Variants in MYRFL observed in about 807,000 individuals in gnomAD.
MYRFL encodes the protein myelin regulatory factor-like protein.
Under a neutral mutation model 109.4 loss-of-function variants are expected in MYRFL, and 88 were observed. That is an observed-to-expected ratio of 0.80 (90% CI 0.68 to 0.96). MYRFL has a LOEUF of 0.96. Among genes scored for constraint, MYRFL ranks in the 40% least tolerant of loss-of-function variants. The pLI, the probability that MYRFL is intolerant of heterozygous loss-of-function variation, is 0.00. For synonymous variants in MYRFL, 324 were observed against 320.9 expected (o/e 1.01, Z -0.10); for missense variants, 957 against 954.9 (o/e 1.00, Z -0.03).
At chr12:69,946,033 G>C (rs1240871659) in intron 19 of MYRFL, among the ~76,000 whole-genome samples, 1 of 139,394 alleles carries the variant, frequency 7.2e-6, no homozygotes. Flanking sequence ...ACTTAATCAA[G>C]GGCTACAAGT....
At chr12:69,950,297 G>A (rs1955943914) in intron 19 of MYRFL, among the ~76,000 whole-genome samples, 1 of 152,270 alleles carries the variant, frequency 6.6e-6, no homozygotes, top group Middle Eastern at 3.4e-3. Flanking sequence ...CAGCAGAGAG[G>A]TCACAGAAGT....
At position 69,879,062 on chromosome 12, in the gene MYRFL, G is replaced by T. The variant is rs376287660; in HGVS notation, c.172G>T (p.Ala58Ser). ...GCTCCCAGACACCCCGCCCTATTCTGCATCCGACTCATGCTCTCCTCCGCA... is the reference window on the plus strand; with the variant it reads ...GCTCCCAGACACCCCGCCCTATTCTTCATCCGACTCATGCTCTCCTCCGCA... The part of the protein sequence containing the change: ...RQLPDTPPYS[A>S]SDSCSPPQVK... The change falls in exon 3 of 25, where the codon GCA becomes TCA. Residue 58 changes from alanine to serine, a missense_variant. Ala to Ser is a moderately conservative substitution (Grantham distance 99). Coordinates refer to ENST00000552032, the MANE Select transcript of MYRFL (RefSeq NM_182530.3). 2.8e-6 allele frequency: 2 copies of T among 702,850 alleles called. No homozygotes were observed. The highest frequency in any genetic ancestry group is 3.5e-5 in the African/African-American group (2 of 57,248). The allele number at this position is 702,850 out of a possible 1,614,324, so 43.5% of individuals were successfully genotyped here.
chr12:69,955,267 T>G, intron 21 of MYRFL, 96 bp from the exon 22 acceptor site: 1 of 449,246 alleles, frequency 2.2e-6, no homozygotes, highest in Admixed American at 4.0e-5. Flanking sequence ...TATATAATAT[T>G]TCACAGTTTT....
chr12:69,936,306 C>T lies in MYRFL; in HGVS notation c.2015C>T (p.Pro672Leu), dbSNP rs1238465524. 12 of 1,536,020 alleles carry T rather than the reference C, an allele frequency of 7.8e-6. No homozygotes were observed. Among genetic ancestry groups the T allele is most frequent in the Admixed American group, 2.0e-5 (1 of 50,948 alleles). The change falls in exon 18 of 25, where the codon CCA becomes CTA. Residue 672 changes from proline (P) to leucine (L), a missense_variant. Transcript: ENST00000552032. ...PPSNITSSQE[P>L]ALLPTASSSA... ...AGCAATATCACAAGCTCACAGGAGC[C>T]AGCTCTGCTGCCCACAGCCTCCTCC...
intron 1 of MYRFL, among the ~76,000 whole-genome samples, chr12:69,845,426 A>C (rs1414760744): frequency 2.0e-5 from 3 of 152,232 alleles, no homozygotes; most frequent in African/African-American, 7.2e-5. Context: ...CTCCACTATG[A>C]GGTCATTTCT....
chr12:69,895,800 C>T (rs1377728467), intron 9 of MYRFL, among the ~76,000 whole-genome samples: 1 of 152,176 alleles, frequency 6.6e-6, no homozygotes, highest in Non-Finnish European at 1.5e-5. Flanking sequence ...GGGCTGGCTG[C>T]ATTTCTCAAC....
At chr12:69,892,568 G>A (rs1171770570) in intron 7 of MYRFL, among the ~76,000 whole-genome samples, 1 of 152,156 alleles carries the variant, frequency 6.6e-6, no homozygotes, top group Non-Finnish European at 1.5e-5. Flanking sequence ...GAGCCATTGT[G>A]CCTGGCCTAC....
intron 2 of MYRFL, among the ~76,000 whole-genome samples, chr12:69,864,650 CACACACACACACACACACAA>C (rs1224249687): frequency 0.016 from 331 of 20,310 alleles, 1 homozygote; most frequent in Middle Eastern, 0.029. Context: ...CACACACACA[CACACACACACACACACACAA>C]ACACACACAC....
At chr12:69,826,492 A>G (rs1325795999) in intron 1 of MYRFL, among the ~76,000 whole-genome samples, 1 of 152,102 alleles carries the variant, frequency 6.6e-6, no homozygotes, top group East Asian at 1.9e-4. Flanking sequence ...AATTTATTGT[A>G]TACATGCAAA....
At chr12:69,914,730 AGCATT>A in intron 13 of MYRFL, among the ~76,000 whole-genome samples, 1 of 152,302 alleles carries the variant, frequency 6.6e-6, no homozygotes, top group Middle Eastern at 3.4e-3. Context: ...GGTAGGGGGT[AGCATT>A]CCTGTTCCAG....
intron 13 of MYRFL, among the ~76,000 whole-genome samples, chr12:69,918,846 C>T (rs1152973): frequency 0.49 from 74,311 of 151,954 alleles, 19,769 homozygotes; most frequent in East Asian, 0.87. Context: ...TTATTTTATT[C>T]TTTCCTGGTA....
In MYRFL at chr12:69,947,968, A is replaced by G. The variant is rs193251199; in HGVS notation, c.2225-4145A>G. On this transcript the variant is annotated intron_variant, in intron 19 of 24. Coordinates refer to ENST00000552032, the MANE Select transcript of MYRFL (RefSeq NM_182530.3). ...CCATCCTAAATCTTTACTCTCCAGA[A>G]GTTTCTAATTTAGTTTGTTGGGAGA... is the stretch of plus-strand genomic sequence containing the variant. Among the ~76,000 whole-genome samples, 34 of 152,320 alleles carry G rather than the reference A, an allele frequency of 2.2e-4. No homozygotes were observed. In the East Asian group the frequency reaches 6.6e-3, roughly 29 times the overall value.
In MYRFL at chr12:69,893,802, C is replaced by T. The variant is rs866233341; in HGVS notation, c.942C>T (p.Ser314=). The change falls in exon 8 of 25, where the codon TCC becomes TCT. Residue 314 remains serine, a synonymous_variant. Transcript: ENST00000552032. ...ATCAAATAATTGCTATTGAACAGTCCCAAGCAGATAGGAGCAAAAAGATTT... is the reference window on the plus strand; with the variant it reads ...ATCAAATAATTGCTATTGAACAGTCTCAAGCAGATAGGAGCAAAAAGATTT... ...ATNQIIAIEQ[S]QADRSKKIFN... The T allele has an allele frequency of 1.4e-6, 2 of 1,410,068 alleles. No individual in the cohort carries two copies. The highest frequency in any genetic ancestry group is 1.8e-6 in the Non-Finnish European group (2 of 1,082,502). 87.3% of individuals were successfully genotyped at this position (1,410,068 alleles called of 1,614,324 possible).
At position 69,958,814 on chromosome 12, in the gene MYRFL, T is replaced by C. The variant is rs1592911240; in HGVS notation, c.*283T>C. On this transcript the variant is annotated 3_prime_UTR_variant, in exon 25 of 25. Coordinates refer to ENST00000552032, the MANE Select transcript of MYRFL (RefSeq NM_182530.3). ...TTGAATTTAAAAATACTATTATTTC[T>C]GGTATTAAGGAAGTTGTGAGCTCAA... 5 of 304,444 alleles carry C rather than the reference T, an allele frequency of 1.6e-5. No individual in the cohort carries two copies. The East Asian group carries it at 3.8e-4, about 23-fold the overall frequency. 18.9% of individuals were successfully genotyped at this position (304,444 alleles called of 1,614,324 possible).
intron 19 of MYRFL, among the ~76,000 whole-genome samples, chr12:69,943,220 G>T (rs368300811): frequency 6.6e-6 from 1 of 151,482 alleles, no homozygotes; most frequent in Non-Finnish European, 1.5e-5. Context: ...AGCCCGCATC[G>T]CCAAGTTAAT....
chr12:69,930,788 G>T (rs979063697), intron 15 of MYRFL, among the ~76,000 whole-genome samples: 14 of 148,570 alleles, frequency 9.4e-5, no homozygotes, highest in African/African-American at 3.5e-4. Flanking sequence ...CTCCAGCATT[G>T]GTGACAAAGC....
At chr12:69,864,293 CT>C (rs1181141184) in intron 2 of MYRFL, among the ~76,000 whole-genome samples, 1 of 151,794 alleles carries the variant, frequency 6.6e-6, no homozygotes, top group Non-Finnish European at 1.5e-5. Flanking sequence ...AATGTTAGAC[CT>C]TTGATATTTT....
At position 69,891,685 on chromosome 12, in the gene MYRFL, CG is replaced by C. The variant is rs1469282758; in HGVS notation, c.903+520del. ...TCTTTCTTTCTTTCTTTCTTTCTTT[CG>C]TTCGTTCGTTCTTTCTTTCTTTTTT... On this transcript the variant is annotated intron_variant, in intron 7 of 24. Coordinates refer to ENST00000552032, the MANE Select transcript of MYRFL (RefSeq NM_182530.3). Among the ~76,000 whole-genome samples the C allele has an allele frequency of 3.7e-3, 347 of 93,768 alleles. 11 individuals carry two copies. Among genetic ancestry groups the C allele is most frequent in the Middle Eastern group, 9.7e-3 (2 of 206 alleles). The allele number at this position is 93,768 out of a possible 152,430, so 61.5% of individuals were successfully genotyped here.
At chr12:69,907,319 A>G (rs1272885973) in intron 11 of MYRFL, among the ~76,000 whole-genome samples, 1 of 152,240 alleles carries the variant, frequency 6.6e-6, no homozygotes, top group Non-Finnish European at 1.5e-5. Context: ...ACCTAATGCT[A>G]TGTCTAGCAG....
Sources: allele counts gnomAD v4.1 joint callset (sites outside exome capture counted in the v4.1 genomes callset), GRCh38; gene constraint gnomAD v4.1.1; transcripts MANE v1.5; gene names NCBI Gene and HGNC (gene_info 2026-07-23, HGNC 2026-07-21).